Variants in GRM5 observed in about 807,000 individuals in gnomAD.
GRM5 encodes the protein metabotropic glutamate receptor 5.
Under a neutral mutation model 83.1 loss-of-function variants are expected in GRM5, and 19 were observed. The ratio of observed to expected loss-of-function variants is 0.23; its 90% CI spans 0.16 to 0.34. The LOEUF (loss-of-function observed/expected upper bound fraction) is 0.34, where lower values mean the gene tolerates loss of function less well. Ranked by LOEUF, GRM5 falls within the 10% of genes least tolerant of loss-of-function variation. The pLI is 1.00. For missense variants in GRM5, 1,160 were observed against 1,588.3 expected (o/e 0.73, Z 4.58); for synonymous variants, 675 against 633.6 (o/e 1.07, Z -0.98).
At chr11:88,737,154 C>A (rs1941931677) in intron 3 of GRM5, among the ~76,000 whole-genome samples, 1 of 152,058 alleles carries the variant, frequency 6.6e-6, no homozygotes, top group African/African-American at 2.4e-5. Context: ...GATTTCATGT[C>A]TTCAATGAAG....
At chr11:89,025,403 T>C (rs1941104813) in intron 2 of GRM5, among the ~76,000 whole-genome samples, 1 of 151,688 alleles carries the variant, frequency 6.6e-6, no homozygotes, top group Non-Finnish European at 1.5e-5. Flanking sequence ...AGAGTGAAAA[T>C]ATGAGAAAGG....
chr11:88,687,027 A>G (rs559488774), intron 3 of GRM5, among the ~76,000 whole-genome samples: 7 of 151,578 alleles, frequency 4.6e-5, no homozygotes, highest in Non-Finnish European at 1.0e-4. Flanking sequence ...AGCCCTGACT[A>G]CTCCCAGCAT....
At chr11:88,677,110 T>C (rs1940350536) in intron 3 of GRM5, among the ~76,000 whole-genome samples, 3 of 150,512 alleles carry the variant, frequency 2.0e-5, no homozygotes, top group African/African-American at 5.0e-5. Flanking sequence ...TTTGTATTTA[T>C]GTTAATGTCC....
chr11:88,692,192 A>T (rs1478810758), intron 3 of GRM5, among the ~76,000 whole-genome samples: 1 of 152,062 alleles, frequency 6.6e-6, no homozygotes, highest in Non-Finnish European at 1.5e-5. Context: ...TAGCTCCCTT[A>T]CCTTATTATA....
intron 2 of GRM5, among the ~76,000 whole-genome samples, chr11:88,896,940 C>A (rs879433982): frequency 1.3e-5 from 2 of 151,856 alleles, no homozygotes; most frequent in African/African-American, 4.8e-5. Context: ...AATTAACCAT[C>A]ATAAAGTGCA....
At chr11:88,615,362 T>G (rs1473965381) in intron 4 of GRM5, among the ~76,000 whole-genome samples, 1 of 152,206 alleles carries the variant, frequency 6.6e-6, no homozygotes, top group East Asian at 1.9e-4. Flanking sequence ...GTCATTTTGA[T>G]GCTTATGTAT....
intron 3 of GRM5, among the ~76,000 whole-genome samples, chr11:88,674,628 G>A (rs1940277017): frequency 1.3e-5 from 2 of 151,744 alleles, no homozygotes. Flanking sequence ...ATAGGTTTGG[G>A]GCAGTGTCAC....
At chr11:89,012,241 G>A (rs1940721492) in intron 2 of GRM5, among the ~76,000 whole-genome samples, 2 of 152,164 alleles carry the variant, frequency 1.3e-5, no homozygotes, top group South Asian at 4.1e-4. Context: ...TGTTGCCATG[G>A]AGATTTCGGA....
At position 89,056,607 on chromosome 11, in the gene GRM5, C is replaced by T. The variant is rs561437149; in HGVS notation, c.-200-8535G>A. Among the ~76,000 whole-genome samples, 20 of 152,046 alleles carry T rather than the reference C, an allele frequency of 1.3e-4. No homozygotes were observed. The South Asian group carries it at 3.9e-3, about 30-fold the overall frequency. ...ATAAATTATTTTCTTTAGGTTATAG[C>T]TTTTAGATGGTGGGGATAATATGTC... On this transcript the variant is annotated intron_variant, in intron 1 of 9. Transcript: ENST00000305447.
intron 7 of GRM5, among the ~76,000 whole-genome samples, chr11:88,575,213 C>G (rs1196898039): frequency 6.6e-6 from 1 of 151,748 alleles, no homozygotes; most frequent in East Asian, 1.9e-4. Flanking sequence ...ATGTCAGTAT[C>G]AAAAGAAAAA....
At chr11:88,720,811 T>TGTGTGTGC (rs773903311) in intron 3 of GRM5, among the ~76,000 whole-genome samples, 2,732 of 131,702 alleles carry the variant, frequency 0.021, 106 homozygotes, top group Admixed American at 0.11. Context: ...TGTGTGTGTG[T>TGTGTGTGC]GTGTGTGTGC....
chr11:88,827,116 GA>G (rs1367909741), intron 3 of GRM5, among the ~76,000 whole-genome samples: 2 of 152,084 alleles, frequency 1.3e-5, no homozygotes, highest in African/African-American at 2.4e-5. Flanking sequence ...TTTTGCTTGA[GA>G]AATGAGGACA....
At chr11:88,972,280 C>T (rs1012856825) in intron 2 of GRM5, among the ~76,000 whole-genome samples, 1 of 152,184 alleles carries the variant, frequency 6.6e-6, no homozygotes, top group Non-Finnish European at 1.5e-5. Context: ...CACACAGAAA[C>T]ATTTCAAGTC....
In GRM5 at chr11:88,865,713, G is replaced by GAA. The variant is rs200356988; in HGVS notation, c.662-15560_662-15559dup. Among the ~76,000 whole-genome samples the GAA allele has an allele frequency of 1.7e-4, 26 of 149,654 alleles. 1 individual carries two copies. The highest frequency in any genetic ancestry group is 4.2e-4 in the South Asian group (2 of 4,712). On this transcript the variant is annotated intron_variant, in intron 2 of 9. Coordinates refer to ENST00000305447, the MANE Select transcript of GRM5 (RefSeq NM_001143831.3). ...TACAAGGAACTTAAACAAATTACAA[G>GAA]AAAAAAAAACAACCCCATGAAAAAG... is the stretch of plus-strand genomic sequence containing the variant.
At chr11:88,812,205 G>T (rs1219318522) in intron 3 of GRM5, among the ~76,000 whole-genome samples, 1 of 152,088 alleles carries the variant, frequency 6.6e-6, no homozygotes, top group East Asian at 1.9e-4. Context: ...AAGAGAAATT[G>T]TCCCAATATT....
At chr11:88,767,861 T>C (rs1045966913) in intron 3 of GRM5, among the ~76,000 whole-genome samples, 2 of 151,860 alleles carry the variant, frequency 1.3e-5, no homozygotes, top group African/African-American at 4.8e-5. Context: ...AATTAATCAT[T>C]AGGGACATTC....
intron 2 of GRM5, among the ~76,000 whole-genome samples, chr11:88,971,370 T>C (rs1939159923): frequency 6.6e-6 from 1 of 152,134 alleles, no homozygotes; most frequent in African/African-American, 2.4e-5. Flanking sequence ...GGTGTACAGA[T>C]TATTTCATCG....
intron 3 of GRM5, among the ~76,000 whole-genome samples, chr11:88,822,777 C>G (rs556501882): frequency 6.6e-6 from 1 of 152,028 alleles, no homozygotes; most frequent in South Asian, 2.1e-4. Context: ...CTTTCTCTCT[C>G]TCTTTCTCTC....
At chr11:88,761,174 C>T (rs1320073827) in intron 3 of GRM5, among the ~76,000 whole-genome samples, 2 of 152,108 alleles carry the variant, frequency 1.3e-5, no homozygotes, top group Non-Finnish European at 2.9e-5. Context: ...CACTCCTATT[C>T]ACCATAGTAT....
Sources: gnomAD v4.1 joint callset for allele counts (sites outside exome capture counted in the v4.1 genomes callset) on GRCh38, gnomAD v4.1.1 for gene constraint, MANE v1.5 for transcripts, NCBI Gene and HGNC (gene_info 2026-07-23, HGNC 2026-07-21) for gene names.